Variants in PCDHB16 observed in about 807,000 individuals in gnomAD.
PCDHB16 encodes the protein protocadherin beta 16.
For missense variants in PCDHB16, 1,026 were observed against 989.9 expected (o/e 1.04, Z -0.49); for synonymous variants, 444 against 436.5 (o/e 1.02, Z -0.21).
Position 141,183,670 on chromosome 5 carries a change from T to C in PCDHB16, c.1111T>C (p.Ser371Pro), listed in dbSNP as rs1554282195. The change falls in exon 1 of 1, where the codon TCA becomes CCA. Residue 371 changes from serine to proline, a missense_variant. Coordinates refer to ENST00000609684, the MANE Select transcript of PCDHB16 (RefSeq NM_020957.4). The part of the protein sequence containing the change: ...PEIVVAVFSV[S>P]DPDSGNNGKT... ...GATAGTAGTTGCTGTTTTCAGCGTT[T>C]CAGATCCTGACTCCGGAAACAATGG... 6.2e-7 allele frequency: 1 copy of C among 1,614,190 alleles called. No homozygotes were observed. The highest frequency in any genetic ancestry group is 1.1e-5 in the South Asian group (1 of 91,086).
chr5:141,182,492 C>T lies in PCDHB16; in HGVS notation c.-68C>T. 7.1e-7 allele frequency: 1 copy of T among 1,412,244 alleles called. No individual in the cohort carries two copies. The highest frequency in any genetic ancestry group is 2.3e-5 in the East Asian group (1 of 43,226). The allele number at this position is 1,412,244 out of a possible 1,614,324, so 87.5% of individuals were successfully genotyped here. A position where few individuals can be genotyped will look rare whatever the true frequency, so the allele number is the denominator to read the frequency against. ...TGCTTGGTTCTGACATTCTGGACTG[C>T]AAAACAGTTCTACTAGGATCCTGGG... On this transcript the variant is annotated 5_prime_UTR_variant, in exon 1 of 1. Coordinates refer to ENST00000609684, the MANE Select transcript of PCDHB16 (RefSeq NM_020957.4).
Position 141,182,795 on chromosome 5 carries a change from C to G in PCDHB16, c.236C>G (p.Ala79Gly), listed in dbSNP as rs1554282026. 1 of 1,614,098 alleles carries G rather than the reference C, an allele frequency of 6.2e-7. No individual in the cohort carries two copies. The highest frequency in any genetic ancestry group is 2.2e-5 in the East Asian group (1 of 44,864). Reference protein sequence around the residue: ...QGNKQHLQLKAQTGDLLINEK... With the variant: ...QGNKQHLQLKGQTGDLLINEK... The stretch of plus-strand genomic sequence containing the variant: ...AACAAACAGCATTTGCAGCTCAAGG[C>G]TCAAACTGGGGATTTGCTCATAAAT... Residue 79 changes from alanine (A) to glycine (G), a missense_variant, in exon 1 of 1, where the codon GCT becomes GGT. Coordinates refer to ENST00000609684, the MANE Select transcript of PCDHB16 (RefSeq NM_020957.4).
At position 141,183,742 on chromosome 5, in the gene PCDHB16, C is replaced by A. The variant is rs1476428074; in HGVS notation, c.1183C>A (p.Pro395Thr). ...IQEDLPFLLKPSVKNFYTLVT... is the reference protein window; with the variant it reads ...IQEDLPFLLKTSVKNFYTLVT... Reference sequence around the variant, plus strand: ...GGAAGACCTTCCCTTTCTTCTAAAACCTTCAGTCAAGAACTTTTACACCTT... The same window carrying A: ...GGAAGACCTTCCCTTTCTTCTAAAAACTTCAGTCAAGAACTTTTACACCTT... The change falls in exon 1 of 1, where the codon CCT (proline) becomes ACT (threonine). Residue 395 changes from proline to threonine, a missense_variant. Transcript: ENST00000609684. The A allele has an allele frequency of 6.2e-7, 1 of 1,614,178 alleles. No homozygotes were observed. The highest frequency in any genetic ancestry group is 1.7e-5 in the Admixed American group (1 of 60,018).
chr5:141,183,215 C>T lies in PCDHB16; in HGVS notation c.656C>T (p.Ser219Phe), dbSNP rs782754910. ...RLTLTALDGGSPPRSGTAQVR... is the reference protein window; with the variant it reads ...RLTLTALDGGFPPRSGTAQVR... ...ACCCTGACAGCGCTGGATGGTGGCTCTCCACCGCGATCTGGAACTGCTCAG... is the reference window on the plus strand; with the variant it reads ...ACCCTGACAGCGCTGGATGGTGGCTTTCCACCGCGATCTGGAACTGCTCAG... The change falls in exon 1 of 1, where the codon TCT becomes TTT. Residue 219 changes from serine (S) to phenylalanine (F), a missense_variant. Transcript: ENST00000609684. The T allele has an allele frequency of 6.2e-7, 1 of 1,614,138 alleles. No homozygotes were observed. Among genetic ancestry groups the T allele is most frequent in the Admixed American group, 1.7e-5 (1 of 60,022 alleles).
rs781862762 is a variant in PCDHB16 at position 141,183,976 on chromosome 5, G to A, written c.1417G>A (p.Val473Ile). 8.1e-6 allele frequency: 13 copies of A among 1,612,180 alleles called. No homozygotes were observed. In the Admixed American group the frequency reaches 8.3e-5, roughly 10 times the overall value. Residue 473 changes from valine (V) to isoleucine (I), a missense_variant, in exon 1 of 1, where the codon GTC (valine) becomes ATC (isoleucine). Val to Ile is a conservative substitution (Grantham distance 29). Coordinates refer to ENST00000609684, the MANE Select transcript of PCDHB16 (RefSeq NM_020957.4). ...NNSPALHIGS[V>I]SATDRDSGTN... The stretch of plus-strand genomic sequence containing the variant: ...CAGCCCCGCCCTGCACATCGGCAGC[G>A]TCAGCGCCACAGACAGAGACTCGGG...
At position 141,184,451 on chromosome 5, in the gene PCDHB16, G is replaced by C; in HGVS notation, c.1892G>C (p.Ser631Thr). The change falls in exon 1 of 1, where the codon AGC becomes ACC. Residue 631 changes from serine to threonine, a missense_variant. By Grantham distance (58) the Ser-to-Thr change is moderately conservative. Transcript: ENST00000609684. ...GAGGTGCGCACCGCCAGGCTGCTGA[G>C]CGAGCGCGACGCAGCCAAGCAGAGG... The part of the protein sequence containing the change: ...NGEVRTARLL[S>T]ERDAAKQRLV... 6.2e-7 allele frequency: 1 copy of C among 1,608,162 alleles called. No homozygotes were observed. The highest frequency in any genetic ancestry group is 8.5e-7 in the Non-Finnish European group (1 of 1,179,574).
Position 141,185,797 on chromosome 5 carries a change from A to G in PCDHB16, c.*907A>G. 1.0e-5 allele frequency: 10 copies of G among 982,282 alleles called. No individual in the cohort carries two copies. The highest frequency in any genetic ancestry group is 1.2e-5 in the Non-Finnish European group (10 of 813,790). The allele number at this position is 982,282 out of a possible 1,614,324, so 60.8% of individuals were successfully genotyped here. ...TCCCTGTATTGGTATCTCCTTAAATAAAATAAAATATTCCTATTGTAAGTG... is the reference window on the plus strand; with the variant it reads ...TCCCTGTATTGGTATCTCCTTAAATGAAATAAAATATTCCTATTGTAAGTG... On this transcript the variant is annotated 3_prime_UTR_variant, in exon 1 of 1. Coordinates refer to ENST00000609684, the MANE Select transcript of PCDHB16 (RefSeq NM_020957.4).
rs115074490 is a variant in PCDHB16, at chr5:141,185,608, G to T, written c.*718G>T. The T allele has an allele frequency of 5.0e-3, 2,683 of 535,188 alleles. 78 individuals carry two copies. Among genetic ancestry groups the T allele is most frequent in the African/African-American group, 0.048 (2,335 of 48,360 alleles). 33.2% of individuals were successfully genotyped at this position (535,188 alleles called of 1,614,324 possible). ...TGCAGCGATGGGATTTTGCCAAGTTGCCCAGGCTGATCTTGAACTCCTGGG... is the reference window on the plus strand; with the variant it reads ...TGCAGCGATGGGATTTTGCCAAGTTTCCCAGGCTGATCTTGAACTCCTGGG... On this transcript the variant is annotated 3_prime_UTR_variant, in exon 1 of 1. Coordinates refer to ENST00000609684, the MANE Select transcript of PCDHB16 (RefSeq NM_020957.4).
Position 141,185,288 on chromosome 5 carries a change from G to T in PCDHB16, c.*398G>T. 1 of 933,626 alleles carries T rather than the reference G, an allele frequency of 1.1e-6. No homozygotes were observed. The highest frequency in any genetic ancestry group is 1.3e-6 in the Non-Finnish European group (1 of 767,642). 57.8% of individuals were successfully genotyped at this position (933,626 alleles called of 1,614,324 possible). A position where few individuals can be genotyped will look rare whatever the true frequency, so the allele number is the denominator to read the frequency against. On this transcript the variant is annotated 3_prime_UTR_variant, in exon 1 of 1. Transcript: ENST00000609684. ...TAAAATAACCTGTTGCATGTATTAG[G>T]CATATTTCCTATGTTACATTTCTTT...
rs372445443 is a variant in PCDHB16, at chr5:141,183,966, C to T, written c.1407C>T (p.His469=). ...FVRENNSPAL[H]IGSVSATDRD... is the part of the protein sequence containing the mutation. ...GCGAGAACAACAGCCCCGCCCTGCA[C>T]ATCGGCAGCGTCAGCGCCACAGACA... Residue 469 remains histidine (H), a synonymous_variant, in exon 1 of 1, where the codon CAC becomes CAT. Transcript: ENST00000609684. 2.2e-5 allele frequency: 36 copies of T among 1,612,950 alleles called. No homozygotes were observed. In the Middle Eastern group the frequency reaches 7.0e-4, roughly 31 times the overall value.
In PCDHB16 at chr5:141,183,838, G is replaced by C. The variant is rs781872652; in HGVS notation, c.1279G>C (p.Gly427Arg). The C allele has an allele frequency of 6.2e-7, 1 of 1,614,174 alleles. No individual in the cohort carries two copies. The highest frequency in any genetic ancestry group is 1.1e-5 in the South Asian group (1 of 91,090). ...TATCACCCTCACCGTCACAGATATGGGGACTCCAAGGCTGAAAACGGAGCA... is the reference window on the plus strand; with the variant it reads ...TATCACCCTCACCGTCACAGATATGCGGACTCCAAGGCTGAAAACGGAGCA... ...YNITLTVTDM[G>R]TPRLKTEHNI... The change falls in exon 1 of 1, where the codon GGG becomes CGG. Residue 427 changes from glycine to arginine, a missense_variant. By Grantham distance (125) the Gly-to-Arg change is moderately radical (BLOSUM62 -2). Transcript: ENST00000609684.
At position 141,182,648 on chromosome 5, in the gene PCDHB16, T is replaced by C; in HGVS notation, c.89T>C (p.Leu30Ser). The change falls in exon 1 of 1, where the codon TTG (leucine) becomes TCG (serine). Residue 30 changes from leucine (L) to serine (S), a missense_variant. Physicochemically the swap from Leu to Ser is moderately radical, Grantham distance 145. Coordinates refer to ENST00000609684, the MANE Select transcript of PCDHB16 (RefSeq NM_020957.4). ...LLSLSGAGAELGSYSVVEETE... is the reference protein window; with the variant it reads ...LLSLSGAGAESGSYSVVEETE... ...AGCTTGTCTGGGGCGGGCGCCGAGT[T>C]GGGGTCCTATTCCGTAGTGGAAGAA... 6.3e-7 allele frequency: 1 copy of C among 1,588,564 alleles called. No homozygotes were observed. The highest frequency in any genetic ancestry group is 2.2e-5 in the East Asian group (1 of 44,556).
Position 141,182,582 on chromosome 5 carries a change from A to G in PCDHB16, c.23A>G (p.Asn8Ser), listed in dbSNP as rs782778544. The G allele has an allele frequency of 1.7e-5, 26 of 1,525,384 alleles. 1 individual carries two copies. In the Admixed American group the frequency reaches 5.8e-4, roughly 34 times the overall value. 94.5% of individuals were successfully genotyped at this position (1,525,384 alleles called of 1,614,324 possible). MEIGWMH[N>S]RRQRQVLVFF... is the part of the protein sequence containing the mutation. ...GCAATGGAGATTGGATGGATGCACA[A>G]TCGGAGACAAAGGCAAGTCCTTGTT... is the stretch of plus-strand genomic sequence containing the variant. Residue 8 changes from asparagine to serine, a missense_variant, in exon 1 of 1, where the codon AAT (asparagine) becomes AGT (serine). Physicochemically the swap from Asn to Ser is conservative, Grantham distance 46. Coordinates refer to ENST00000609684, the MANE Select transcript of PCDHB16 (RefSeq NM_020957.4).
chr5:141,182,432 C>A lies in PCDHB16; in HGVS notation c.-128C>A. ...AGAAGAATAGCTGAGCCAGAGCGAA[C>A]GTGAGTGTGAAACCTCTTTAAGACA... On this transcript the variant is annotated 5_prime_UTR_variant, in exon 1 of 1. Transcript: ENST00000609684. 1.4e-6 allele frequency: 1 copy of A among 739,550 alleles called. No homozygotes were observed. Among genetic ancestry groups the A allele is most frequent in the Non-Finnish European group, 2.1e-6 (1 of 481,636 alleles). 45.8% of individuals were successfully genotyped at this position (739,550 alleles called of 1,614,324 possible).
chr5:141,182,931 A>G lies in PCDHB16; in HGVS notation c.372A>G (p.Ile124Met), dbSNP rs781846068. ...TATTTCAGGCTGAACTGAGGGTGAT[A>G]GATATAAATGACCATTCTCCCATGT... ...LEIFQAELRV[I>M]DINDHSPMFT... The change falls in exon 1 of 1, where the codon ATA becomes ATG. Residue 124 changes from isoleucine (I) to methionine (M), a missense_variant. Ile to Met is a conservative substitution (Grantham distance 10). Coordinates refer to ENST00000609684, the MANE Select transcript of PCDHB16 (RefSeq NM_020957.4). 1.2e-6 allele frequency: 2 copies of G among 1,614,090 alleles called. No individual in the cohort carries two copies. The highest frequency in any genetic ancestry group is 2.2e-5 in the East Asian group (1 of 44,886).
chr5:141,182,948 C>T lies in PCDHB16; in HGVS notation c.389C>T (p.Ser130Phe), dbSNP rs536825329. 6.2e-7 allele frequency: 1 copy of T among 1,614,130 alleles called. No individual in the cohort carries two copies. Among genetic ancestry groups the T allele is most frequent in the Non-Finnish European group, 8.5e-7 (1 of 1,180,004 alleles). ...ELRVIDINDH[S>F]PMFTEKEMIL... ...AGGGTGATAGATATAAATGACCATTCTCCCATGTTCACTGAAAAGGAAATG... is the reference window on the plus strand; with the variant it reads ...AGGGTGATAGATATAAATGACCATTTTCCCATGTTCACTGAAAAGGAAATG... Residue 130 changes from serine (S) to phenylalanine (F), a missense_variant, in exon 1 of 1, where the codon TCT (serine) becomes TTT (phenylalanine). Coordinates refer to ENST00000609684, the MANE Select transcript of PCDHB16 (RefSeq NM_020957.4).
Position 141,183,206 on chromosome 5 carries a change from A to C in PCDHB16, c.647A>C (p.Asp216Ala). 1 of 1,614,114 alleles carries C rather than the reference A, an allele frequency of 6.2e-7. No homozygotes were observed. The highest frequency in any genetic ancestry group is 8.5e-7 in the Non-Finnish European group (1 of 1,180,016). ...CTAAGATTAACCCTGACAGCGCTGG[A>C]TGGTGGCTCTCCACCGCGATCTGGA... Reference protein sequence around the residue: ...PQLRLTLTALDGGSPPRSGTA... With the variant: ...PQLRLTLTALAGGSPPRSGTA... The change falls in exon 1 of 1, where the codon GAT (aspartate) becomes GCT (alanine). Residue 216 changes from aspartate to alanine, a missense_variant. By Grantham distance (126) the Asp-to-Ala change is moderately radical. Coordinates refer to ENST00000609684, the MANE Select transcript of PCDHB16 (RefSeq NM_020957.4).
In PCDHB16 at chr5:141,185,073, A is replaced by G. The variant is rs2149662534; in HGVS notation, c.*183A>G. 1.4e-6 allele frequency: 2 copies of G among 1,424,106 alleles called. No individual in the cohort carries two copies. The highest frequency in any genetic ancestry group is 2.2e-4 in the Middle Eastern group (1 of 4,464). 88.2% of individuals were successfully genotyped at this position (1,424,106 alleles called of 1,614,324 possible). ...ATTGTTAGTTCAAATTATATTGTTA[A>G]TTCCAGTTTCCCTTTTCCTCATATT... On this transcript the variant is annotated 3_prime_UTR_variant, in exon 1 of 1. Transcript: ENST00000609684.
At position 141,185,448 on chromosome 5, in the gene PCDHB16, T is replaced by C. The variant is rs553341299; in HGVS notation, c.*558T>C. On this transcript the variant is annotated 3_prime_UTR_variant, in exon 1 of 1. Coordinates refer to ENST00000609684, the MANE Select transcript of PCDHB16 (RefSeq NM_020957.4). ...TTTTTGAGACAGGGTCTTACTCTTG[T>C]CACCCAGGCTGGAGTGCAGTGGTAC... 4.7e-6 allele frequency: 3 copies of C among 642,052 alleles called. No homozygotes were observed. In the South Asian group the frequency reaches 2.1e-4, roughly 45 times the overall value. The allele number at this position is 642,052 out of a possible 1,614,324, so 39.8% of individuals were successfully genotyped here. A position where few individuals can be genotyped will look rare whatever the true frequency, so the allele number is the denominator to read the frequency against.
Sources: gnomAD v4.1 joint callset for allele counts on GRCh38, gnomAD v4.1.1 for gene constraint, MANE v1.5 for transcripts, NCBI Gene and HGNC (gene_info 2026-07-23, HGNC 2026-07-21) for gene names.